Variants in UVRAG observed in about 807,000 individuals in gnomAD.
UVRAG encodes the protein UV radiation resistance associated.
In UVRAG, 19 loss-of-function variants were observed where a neutral mutation model predicts 78.0. The observed-to-expected ratio is 0.24, with a 90% confidence interval of 0.17 to 0.36. The LOEUF is 0.36. Ranked by LOEUF, UVRAG falls within the 10% of genes least tolerant of loss-of-function variation. The pLI is 1.00. For synonymous variants in UVRAG, 323 were observed against 324.6 expected (o/e 1.00, Z 0.05); for missense variants, 740 against 853.8 (o/e 0.87, Z 1.66).
rs1477274275 is a variant in UVRAG, at chr11:76,112,725, CTTTTCT to C, written c.1306-3194_1306-3189del. Among the ~76,000 whole-genome samples, 515 of 139,872 alleles carry C rather than the reference CTTTTCT, an allele frequency of 3.7e-3. 2 individuals carry two copies. Among genetic ancestry groups the C allele is most frequent in the African/African-American group, 0.016 (507 of 31,914 alleles). The allele number at this position is 139,872 out of a possible 152,430, so 91.8% of individuals were successfully genotyped here. On this transcript the variant is annotated intron_variant, in intron 13 of 14. Coordinates refer to ENST00000356136, the MANE Select transcript of UVRAG (RefSeq NM_003369.4). ...AGGTTTTTTATTCTATTTCTTTTTT[CTTTTCT>C]TTTTTTTTTTTTGAGACAGGGTCTC...
chr11:75,998,414 G>C (rs1949746471), intron 8 of UVRAG, among the ~76,000 whole-genome samples: 1 of 152,054 alleles, frequency 6.6e-6, no homozygotes, highest in African/African-American at 2.4e-5. Context: ...AAAGAATGGA[G>C]AACTTTTAAA....
chr11:75,911,049 A>C (rs1054560534), intron 5 of UVRAG, among the ~76,000 whole-genome samples: 2 of 152,238 alleles, frequency 1.3e-5, no homozygotes, highest in Non-Finnish European at 2.9e-5. Context: ...AAACTGTGAG[A>C]AGAAATGTAT....
intron 6 of UVRAG, 127 bp from the exon 7 acceptor site, chr11:75,961,317 G>T (rs893102263): frequency 2.9e-6 from 2 of 701,494 alleles, no homozygotes; most frequent in Admixed American, 3.4e-5. Flanking sequence ...GAATATGCTA[G>T]ATAATTAAAA....
chr11:76,057,613 T>TA (rs1256999221), intron 12 of UVRAG, among the ~76,000 whole-genome samples: 2 of 152,160 alleles, frequency 1.3e-5, no homozygotes, highest in African/African-American at 4.8e-5. Flanking sequence ...AGCCAGCCAT[T>TA]TCCATCTCAC....
chr11:75,950,963 T>TACACACACACACACACAC (rs35864936), intron 6 of UVRAG, among the ~76,000 whole-genome samples: 102 of 140,050 alleles, frequency 7.3e-4, no homozygotes, highest in African/African-American at 2.6e-3. Context: ...TTGTCAGGTG[T>TACACACACACACACACAC]ACACACACAC....
At chr11:75,880,167 C>A in intron 4 of UVRAG, 127 bp downstream of exon 4, 1 of 1,052,682 alleles carries the variant, frequency 9.5e-7, no homozygotes. Context: ...TTACTTATAT[C>A]ACTAAGAGAG....
intron 13 of UVRAG, among the ~76,000 whole-genome samples, chr11:76,084,843 C>T (rs1360456615): frequency 6.6e-6 from 1 of 151,940 alleles, no homozygotes; most frequent in Non-Finnish European, 1.5e-5. Flanking sequence ...AGGCAGATCA[C>T]TTGGGGTCAG....
intron 8 of UVRAG, among the ~76,000 whole-genome samples, chr11:75,991,166 C>T (rs918980079): frequency 2.0e-5 from 3 of 152,136 alleles, no homozygotes; most frequent in Non-Finnish European, 4.4e-5. Context: ...GTCCATTTGT[C>T]TTTGTTAGAA....
intron 13 of UVRAG, among the ~76,000 whole-genome samples, chr11:76,082,030 A>G (rs1366496986): frequency 6.6e-6 from 1 of 152,092 alleles, no homozygotes. Flanking sequence ...AATGAAAACT[A>G]TACAAAAAAA....
chr11:75,949,750 C>T (rs560891672), intron 6 of UVRAG, among the ~76,000 whole-genome samples: 22 of 148,330 alleles, frequency 1.5e-4, no homozygotes, highest in Middle Eastern at 3.6e-3. Flanking sequence ...TATATATATA[C>T]ACACATATGT....
At chr11:75,920,883 A>G (rs1392014594) in intron 6 of UVRAG, among the ~76,000 whole-genome samples, 1 of 152,190 alleles carries the variant, frequency 6.6e-6, no homozygotes, top group African/African-American at 2.4e-5. Flanking sequence ...CATTCCTCTA[A>G]TTCACTTTTT....
chr11:75,938,307 ACTGATT>A (rs1555091159), intron 6 of UVRAG, among the ~76,000 whole-genome samples: 1 of 152,052 alleles, frequency 6.6e-6, no homozygotes, highest in Non-Finnish European at 1.5e-5. Flanking sequence ...GGCCCTATCT[ACTGATT>A]CTGTCATCTC....
chr11:75,958,555 C>A (rs960362455), intron 6 of UVRAG, among the ~76,000 whole-genome samples: 1 of 152,188 alleles, frequency 6.6e-6, no homozygotes, highest in East Asian at 1.9e-4. Context: ...AATTCTAATT[C>A]TCTTGCTATT....
At chr11:75,950,710 T>G (rs74744766) in intron 6 of UVRAG, among the ~76,000 whole-genome samples, 5,483 of 152,252 alleles carry the variant, frequency 0.036, 207 homozygotes, top group Non-Finnish European at 0.043. Context: ...TGCCATCATT[T>G]GGTATTGCCA....
At chr11:76,064,159 A>G (rs1951144467) in intron 12 of UVRAG, among the ~76,000 whole-genome samples, 1 of 152,192 alleles carries the variant, frequency 6.6e-6, no homozygotes, top group African/African-American at 2.4e-5. Flanking sequence ...TGCTGATCTC[A>G]ATTTACTCTT....
At chr11:75,903,036 A>G (rs1396637492) in intron 5 of UVRAG, among the ~76,000 whole-genome samples, 1 of 152,074 alleles carries the variant, frequency 6.6e-6, no homozygotes, top group Non-Finnish European at 1.5e-5. Flanking sequence ...GTTGTATAGT[A>G]CTTTGGGTTC....
chr11:76,133,883 A>G (rs1441277861), intron 14 of UVRAG, among the ~76,000 whole-genome samples: 1 of 152,090 alleles, frequency 6.6e-6, no homozygotes, highest in Non-Finnish European at 1.5e-5. Context: ...CACATTGAAC[A>G]GATTAAATCT....
At chr11:76,018,173 A>G (rs115017315) in intron 12 of UVRAG, among the ~76,000 whole-genome samples, 92 of 152,276 alleles carry the variant, frequency 6.0e-4, no homozygotes, top group African/African-American at 2.2e-3. Flanking sequence ...ATTTATATTC[A>G]GACTAATAAA....
intron 4 of UVRAG, among the ~76,000 whole-genome samples, chr11:75,881,586 A>G (rs1165171541): frequency 6.6e-6 from 1 of 152,166 alleles, no homozygotes; most frequent in Non-Finnish European, 1.5e-5. Context: ...TTGGGGGCCC[A>G]AGATGTTTTC....
Sources: gnomAD v4.1 joint callset for allele counts (sites outside exome capture counted in the v4.1 genomes callset) on GRCh38, gnomAD v4.1.1 for gene constraint, MANE v1.5 for transcripts, NCBI Gene and HGNC (gene_info 2026-07-23, HGNC 2026-07-21) for gene names.